DDB2: variants seen among roughly 807,000 people sequenced by gnomAD.
DDB2 encodes the protein DNA damage-binding protein 2.
Under a neutral mutation model 50.5 loss-of-function variants are expected in DDB2, and 27 were observed. That is an observed-to-expected ratio of 0.53 (90% confidence interval 0.39 to 0.74). The LOEUF (loss-of-function observed/expected upper bound fraction) is 0.74, where lower values mean the gene tolerates loss of function less well. DDB2 is among the 30% of genes least tolerant of loss of function. The pLI, the probability that DDB2 is intolerant of heterozygous loss-of-function variation, is 0.00. For synonymous variants in DDB2, 176 were observed against 205.5 expected (o/e 0.86, Z 1.23); for missense variants, 424 against 545.6 (o/e 0.78, Z 2.22).
intron 6 of DDB2, 77 bp downstream of exon 6, chr11:47,235,011 A>C: frequency 2.0e-6 from 3 of 1,531,948 alleles, no homozygotes; most frequent in Admixed American, 1.7e-5. Context: ...TCAGTGTGGA[A>C]GCCACTACGT....
intron 3 of DDB2, among the ~76,000 whole-genome samples, chr11:47,228,298 G>A (rs1322951613): frequency 3.3e-5 from 5 of 151,286 alleles, no homozygotes; most frequent in Admixed American, 6.6e-5. Context: ...GCCCTCTTTA[G>A]CTTGGGAATT....
intron 3 of DDB2, among the ~76,000 whole-genome samples, chr11:47,232,021 T>TA (rs539193994): frequency 2.7e-5 from 4 of 148,616 alleles, no homozygotes; most frequent in East Asian, 1.9e-4. Context: ...ATATGTTAAT[T>TA]AAAAAAAAAA....
At chr11:47,218,309 C>T (rs1045890189) in intron 3 of DDB2, among the ~76,000 whole-genome samples, 7 of 152,154 alleles carry the variant, frequency 4.6e-5, no homozygotes, top group African/African-American at 1.7e-4. Context: ...AAAGTTTGGC[C>T]TAGAGTAGCT....
rs1953681638 is a variant in DDB2, at chr11:47,233,702, T to C, written c.602+743T>C. ...CCATCCTGGGCAACAAGAGCGAAAA[T>C]CTATCTCAAAAAAAAAAAAAAAAAA... On this transcript the variant is annotated intron_variant, in intron 4 of 9. Transcript: ENST00000256996. 6.0e-5 allele frequency among the ~76,000 whole-genome samples: 5 copies of C among 83,696 alleles called. No homozygotes were observed. In the Admixed American group the frequency reaches 7.1e-4, roughly 12 times the overall value. The allele number at this position is 83,696 out of a possible 152,430, so 54.9% of individuals were successfully genotyped here.
At chr11:47,227,896 C>CT (rs1212823877) in intron 3 of DDB2, among the ~76,000 whole-genome samples, 1 of 151,932 alleles carries the variant, frequency 6.6e-6, no homozygotes, top group Non-Finnish European at 1.5e-5. Context: ...AATTCCAGCA[C>CT]TTTGGGAGGC....
intron 3 of DDB2, among the ~76,000 whole-genome samples, chr11:47,230,561 G>T (rs1443818311): frequency 6.6e-6 from 1 of 152,168 alleles, no homozygotes; most frequent in East Asian, 1.9e-4. Flanking sequence ...GGTAAGCATA[G>T]AACTCAACTG....
chr11:47,232,120 GAT>G (rs1402393512), intron 3 of DDB2, among the ~76,000 whole-genome samples: 2 of 152,144 alleles, frequency 1.3e-5, no homozygotes, highest in Non-Finnish European at 2.9e-5. Context: ...AAGGGTGGCG[GAT>G]TACCTGAGGG....
chr11:47,219,292 C>T (rs749770646), intron 3 of DDB2, among the ~76,000 whole-genome samples: 2 of 152,258 alleles, frequency 1.3e-5, no homozygotes, highest in South Asian at 2.1e-4. Flanking sequence ...AATTTACTTT[C>T]GTAACCATTT....
chr11:47,238,231 C>T (rs1405401155), intron 9 of DDB2, 48 bp downstream of exon 9: 46 of 1,550,272 alleles, frequency 3.0e-5, no homozygotes, highest in Non-Finnish European at 4.0e-5. Context: ...GATCCTACTT[C>T]CCAAGGTTCA....
chr11:47,215,481 GAC>G, intron 1 of DDB2: 1 of 607,074 alleles, frequency 1.6e-6, no homozygotes, highest in South Asian at 1.8e-5. Context: ...CGTAACAACA[GAC>G]ACACGGACTT....
At chr11:47,233,039 T>C in intron 4 of DDB2, 80 bp downstream of exon 4, 1 of 1,487,584 alleles carries the variant, frequency 6.7e-7, no homozygotes, top group South Asian at 1.1e-5. Context: ...CCCATTTCCT[T>C]AACCCAACCT....
chr11:47,231,891 A>G (rs901332054), intron 3 of DDB2, among the ~76,000 whole-genome samples: 2 of 152,178 alleles, frequency 1.3e-5, no homozygotes, highest in Admixed American at 1.3e-4. Flanking sequence ...TGTGATTACA[A>G]TGGGATACCA....
rs1232948614 is a variant in DDB2 at position 47,232,876 on chromosome 11, C to T, written c.519C>T (p.Tyr173=). 2.5e-6 allele frequency: 4 copies of T among 1,614,078 alleles called. No individual in the cohort carries two copies. The highest frequency in any genetic ancestry group is 1.3e-5 in the African/African-American group (1 of 75,038). ...KFNPLNTNQF[Y]ASSMEGTTRL... ...ACCCTCTCAATACCAACCAGTTTTACGCCTCCTCAATGGAGGGAACAACTA... is the reference window on the plus strand; with the variant it reads ...ACCCTCTCAATACCAACCAGTTTTATGCCTCCTCAATGGAGGGAACAACTA... Residue 173 remains tyrosine (Y), a synonymous_variant, in exon 4 of 10, where the codon TAC becomes TAT. Transcript: ENST00000256996.
At chr11:47,228,527 C>T (rs1953592458) in intron 3 of DDB2, among the ~76,000 whole-genome samples, 1 of 150,118 alleles carries the variant, frequency 6.7e-6, no homozygotes, top group African/African-American at 2.5e-5. Flanking sequence ...CCTGTAATCC[C>T]AGCTACTCGG....
rs759622121 is a variant in DDB2, at chr11:47,234,588, C to A, written c.618C>A (p.Ser206Arg). The A allele has an allele frequency of 6.2e-7, 1 of 1,614,004 alleles. No individual in the cohort carries two copies. Among genetic ancestry groups the A allele is most frequent in the Non-Finnish European group, 8.5e-7 (1 of 1,179,914 alleles). ...SSDTINIWFC[S>R]LDVSASSRMV... ...CTCCCTCCAGCATCTGGTTTTGTAG[C>A]CTGGATGTGTCTGCTAGTAGCCGAA... The change falls in exon 5 of 10, where the codon AGC (serine) becomes AGA (arginine). Residue 206 changes from serine to arginine, a missense_variant. Ser to Arg is a moderately radical substitution (Grantham distance 110). Coordinates refer to ENST00000256996, the MANE Select transcript of DDB2 (RefSeq NM_000107.3).
intron 3 of DDB2, 32 bp from the exon 4 acceptor site, chr11:47,232,782 T>C (rs766586386): frequency 3.7e-6 from 6 of 1,612,420 alleles, no homozygotes; most frequent in Admixed American, 1.7e-5. Flanking sequence ...AGGCCCATCA[T>C]CACTCACTGG....
intron 3 of DDB2, among the ~76,000 whole-genome samples, chr11:47,219,741 TA>T (rs770236414): frequency 1.3e-5 from 2 of 152,188 alleles, no homozygotes; most frequent in Non-Finnish European, 2.9e-5. Flanking sequence ...AGCTCTGGTT[TA>T]AAGGTAGACA....
At chr11:47,228,401 G>A (rs1953591170) in intron 3 of DDB2, among the ~76,000 whole-genome samples, 1 of 152,066 alleles carries the variant, frequency 6.6e-6, no homozygotes, top group Non-Finnish European at 1.5e-5. Flanking sequence ...AGCACTTTGG[G>A]TGGCCAAGGT....
At chr11:47,220,647 G>T (rs1344351506) in intron 3 of DDB2, 3 of 152,226 alleles carry the variant, frequency 2.0e-5, no homozygotes, top group Non-Finnish European at 2.9e-5. Flanking sequence ...CAGAGGAAGG[G>T]TATGGCAGTC....
Sources: gnomAD v4.1 joint callset for allele counts (sites outside exome capture counted in the v4.1 genomes callset) on GRCh38, gnomAD v4.1.1 for gene constraint, MANE v1.5 for transcripts, NCBI Gene and HGNC (gene_info 2026-07-23, HGNC 2026-07-21) for gene names.